Variants in PPP3CA observed in about 807,000 individuals in gnomAD.
PPP3CA encodes protein phosphatase 3 catalytic subunit alpha.
Under a neutral mutation model 66.5 loss-of-function variants are expected in PPP3CA, and 14 were observed. That is an observed-to-expected ratio of 0.21 (90% confidence interval 0.14 to 0.33). PPP3CA has a LOEUF of 0.33. Among genes scored for constraint, PPP3CA ranks in the 10% least tolerant of loss-of-function variants. The probability of loss-of-function intolerance (pLI) is 1.00; values close to 1 mark genes in which losing one functional copy is unlikely to be tolerated. For synonymous variants in PPP3CA, 232 were observed against 226.2 expected (o/e 1.03, Z -0.23); for missense variants, 317 against 639.5 (o/e 0.50, Z 5.44).
chr4:101,163,171 T>G (rs1723573408), intron 2 of PPP3CA, among the ~76,000 whole-genome samples: 1 of 152,176 alleles, frequency 6.6e-6, no homozygotes, highest in South Asian at 2.1e-4. Context: ...GGCAGGCATT[T>G]CCTGCATTTG....
chr4:101,343,014 A>C (rs1243535595), intron 1 of PPP3CA, among the ~76,000 whole-genome samples: 1 of 152,112 alleles, frequency 6.6e-6, no homozygotes, highest in African/African-American at 2.4e-5. Flanking sequence ...CTGGCAATAC[A>C]CCTGAAAAAC....
At position 101,347,330 on chromosome 4, in the gene PPP3CA, CG is replaced by C; in HGVS notation, c.-535del. 1 of 203,984 alleles carries C rather than the reference CG, an allele frequency of 4.9e-6. No homozygotes were observed. The highest frequency in any genetic ancestry group is 9.7e-6 in the Non-Finnish European group (1 of 103,270). 12.6% of individuals were successfully genotyped at this position (203,984 alleles called of 1,614,324 possible). ...GCGGAGAGGCGGCCGCCGCTGCTGC[CG>C]CTGCTGCTGCCGCTGCCGCTGTTGC... On this transcript the variant is annotated 5_prime_UTR_variant, in exon 1 of 14. Coordinates refer to ENST00000394854, the MANE Select transcript of PPP3CA (RefSeq NM_000944.5).
In PPP3CA at chr4:101,106,450, A is replaced by AAAGAAAGAAAGAAAAAGAAAG. The variant is rs751759518; in HGVS notation, c.384+2503_384+2504insCTTTCTTTTTCTTTCTTTCTT. Among the ~76,000 whole-genome samples the AAAGAAAGAAAGAAAAAGAAAG allele has an allele frequency of 1.8e-4, 2 of 11,094 alleles. 1 individual carries two copies. Among genetic ancestry groups the AAAGAAAGAAAGAAAAAGAAAG allele is most frequent in the East Asian group, 6.1e-3 (2 of 328 alleles). The allele number at this position is 11,094 out of a possible 152,430, so 7.3% of individuals were successfully genotyped here. A position where few individuals can be genotyped will look rare whatever the true frequency, so the allele number is the denominator to read the frequency against. On this transcript the variant is annotated intron_variant, in intron 3 of 13. Transcript: ENST00000394854. ...GAAAGAAAGAAAGAAAGAAAGAAAG[A>AAAGAAAGAAAGAAAAAGAAAG]AAGAGAAAAGAAAAGAAAAGAAAAG...
At chr4:101,040,387 G>C (rs970638041) in intron 11 of PPP3CA, 95 bp downstream of exon 11, 1 of 842,318 alleles carries the variant, frequency 1.2e-6, no homozygotes, top group Non-Finnish European at 1.7e-6. Flanking sequence ...ATATTCTCTA[G>C]TAAAATATTT....
chr4:101,054,429 T>C (rs9993215), intron 10 of PPP3CA, among the ~76,000 whole-genome samples: 9,672 of 152,122 alleles, frequency 0.064, 354 homozygotes, highest in African/African-American at 0.093. Context: ...TGGGGGTAAT[T>C]CCTTTATGCT....
At chr4:101,117,595 T>C (rs1402069260) in intron 2 of PPP3CA, among the ~76,000 whole-genome samples, 1 of 151,892 alleles carries the variant, frequency 6.6e-6, no homozygotes, top group Non-Finnish European at 1.5e-5. Context: ...TAAGGGTTTA[T>C]AATAGCATCA....
intron 1 of PPP3CA, among the ~76,000 whole-genome samples, chr4:101,230,272 T>A (rs1306635363): frequency 2.0e-5 from 3 of 151,662 alleles, no homozygotes; most frequent in African/African-American, 7.3e-5. Flanking sequence ...CCACCTGCAA[T>A]TCCTAATTTT....
chr4:101,230,284 G>C (rs17030957), intron 1 of PPP3CA, among the ~76,000 whole-genome samples: 1,919 of 151,140 alleles, frequency 0.013, 33 homozygotes, highest in African/African-American at 0.043. Context: ...CCTAATTTTT[G>C]GGCCAACATC....
At chr4:101,262,612 G>A (rs1349027089) in intron 1 of PPP3CA, among the ~76,000 whole-genome samples, 2 of 152,118 alleles carry the variant, frequency 1.3e-5, no homozygotes, top group African/African-American at 4.8e-5. Flanking sequence ...AGGCAGGTAA[G>A]TAAGGTGCTC....
chr4:101,124,697 GAAAGAAAGAAAGAAAGAAAGAAAGAA>G (rs1560614279), intron 2 of PPP3CA, among the ~76,000 whole-genome samples: 6 of 91,742 alleles, frequency 6.5e-5, no homozygotes, highest in African/African-American at 2.8e-4. Context: ...AAGAAAGAAA[GAAAGAAAGAAAGAAAGAAAGAAAGAA>G]AGAGAAAGAA....
chr4:101,189,701 A>AC (rs1724533288), intron 2 of PPP3CA, among the ~76,000 whole-genome samples: 1 of 151,268 alleles, frequency 6.6e-6, no homozygotes, highest in Admixed American at 6.6e-5. Context: ...AAAAAAAAAA[A>AC]AAACAAAACC....
At chr4:101,201,702 CAA>C (rs1246889384) in intron 1 of PPP3CA, among the ~76,000 whole-genome samples, 1 of 152,170 alleles carries the variant, frequency 6.6e-6, no homozygotes, top group East Asian at 1.9e-4. Context: ...CAAGGACTGT[CAA>C]AGATACTTAT....
rs1216388594 is a variant in PPP3CA at position 101,236,680 on chromosome 4, A to G, written c.59-40564T>C. Among the ~76,000 whole-genome samples, 3 of 151,858 alleles carry G rather than the reference A, an allele frequency of 2.0e-5. No individual in the cohort carries two copies. In the East Asian group the frequency reaches 5.8e-4, roughly 30 times the overall value. On this transcript the variant is annotated intron_variant, in intron 1 of 13. Transcript: ENST00000394854. The stretch of plus-strand genomic sequence containing the variant: ...TTGTTTATTTGCCTCTGAATTGTTG[A>G]ACATTTATGTTTTAAGTAATCCTTG...
At chr4:101,071,157 C>G (rs1193039840) in intron 8 of PPP3CA, among the ~76,000 whole-genome samples, 2 of 152,170 alleles carry the variant, frequency 1.3e-5, no homozygotes, top group East Asian at 3.9e-4. Flanking sequence ...ATAAGGGTAA[C>G]TGTACTCTGG....
intron 2 of PPP3CA, among the ~76,000 whole-genome samples, chr4:101,149,401 C>T (rs1723064287): frequency 6.6e-6 from 1 of 152,130 alleles, no homozygotes. Flanking sequence ...GTTTCATTCT[C>T]TAGCTTATAT....
intron 8 of PPP3CA, among the ~76,000 whole-genome samples, chr4:101,070,111 A>G (rs1175837053): frequency 6.6e-6 from 1 of 152,142 alleles, no homozygotes; most frequent in Non-Finnish European, 1.5e-5. Flanking sequence ...TATTATTCAT[A>G]TATAGAATTT....
chr4:101,221,932 T>C (rs1443783515), intron 1 of PPP3CA, among the ~76,000 whole-genome samples: 6 of 151,626 alleles, frequency 4.0e-5, no homozygotes, highest in African/African-American at 1.5e-4. Flanking sequence ...GCATTCTTAA[T>C]ATTACCCAAA....
chr4:101,254,936 G>A (rs551676939), intron 1 of PPP3CA, among the ~76,000 whole-genome samples: 1 of 149,886 alleles, frequency 6.7e-6, no homozygotes, highest in Non-Finnish European at 1.5e-5. Context: ...CATAAGACAG[G>A]ACCTCGTATG....
At chr4:101,285,591 CTGTGTGTATGTGTGTGTGTGTGTGTG>C (rs1242136694) in intron 1 of PPP3CA, among the ~76,000 whole-genome samples, 6 of 131,750 alleles carry the variant, frequency 4.6e-5, no homozygotes, top group African/African-American at 1.8e-4. Flanking sequence ...TCAAATGCCA[CTGTGTGTATGTGTGTGTGTGTGTGTG>C]TGTGTGTGTG....
Sources: allele counts gnomAD v4.1 joint callset (sites outside exome capture counted in the v4.1 genomes callset), GRCh38; gene constraint gnomAD v4.1.1; transcripts MANE v1.5; gene names NCBI Gene and HGNC (gene_info 2026-07-23, HGNC 2026-07-21).